Variants in PRELID3A observed in about 807,000 individuals in gnomAD.
PRELID3A encodes the protein PRELI domain containing protein 3A.
In PRELID3A, 27 loss-of-function variants were observed where a neutral mutation model predicts 23.0. The ratio of observed to expected loss-of-function variants is 1.17; its 90% CI spans 0.87 to 1.62. The LOEUF (loss-of-function observed/expected upper bound fraction) is 1.62. Ranked by LOEUF, PRELID3A falls within the 40% of genes most tolerant of loss-of-function variation. PRELID3A has a pLI of 0.00. For missense variants in PRELID3A, 231 were observed against 231.4 expected (o/e 1.00, Z 0.01); for synonymous variants, 87 against 86.4 (o/e 1.01, Z -0.04).
At chr18:12,409,988 C>G (rs899793395) in intron 1 of PRELID3A, among the ~76,000 whole-genome samples, 7 of 152,198 alleles carry the variant, frequency 4.6e-5, no homozygotes, top group African/African-American at 1.7e-4. Flanking sequence ...TGCTCATTAG[C>G]TTCACATTTT....
chr18:12,421,909 C>A (rs1020074232), intron 3 of PRELID3A, among the ~76,000 whole-genome samples: 5 of 152,102 alleles, frequency 3.3e-5, no homozygotes, highest in African/African-American at 7.2e-5. Flanking sequence ...GGGCACCCCC[C>A]ACAGGATAAC....
Position 12,408,026 on chromosome 18 carries a change from C to T in PRELID3A, c.32+19C>T, listed in dbSNP as rs1208752771. The stretch of plus-strand genomic sequence containing the variant: ...TGTTTGGGTGAGGCCGGGCTGAGGG[C>T]CGCGGTGGGGCCGTCCAGACGCCGG... On this transcript the variant is annotated intron_variant, in intron 1 of 6. Transcript: ENST00000440960. 3.2e-6 allele frequency: 4 copies of T among 1,263,234 alleles called. No homozygotes were observed. The East Asian group carries it at 9.4e-5, about 30-fold the overall frequency. The allele number at this position is 1,263,234 out of a possible 1,614,324, so 78.3% of individuals were successfully genotyped here.
chr18:12,409,631 G>C (rs1326141691), intron 1 of PRELID3A, among the ~76,000 whole-genome samples: 2 of 152,128 alleles, frequency 1.3e-5, no homozygotes, highest in Non-Finnish European at 2.9e-5. Context: ...GGGCATCACT[G>C]AGCCGTCTGG....
At chr18:12,414,721 A>T (rs2029891645) in intron 1 of PRELID3A, among the ~76,000 whole-genome samples, 1 of 151,808 alleles carries the variant, frequency 6.6e-6, no homozygotes. Flanking sequence ...ACAGAGTGAG[A>T]CTTGGTCCTC....
chr18:12,417,290 C>T (rs2029991455), intron 1 of PRELID3A, among the ~76,000 whole-genome samples: 2 of 152,132 alleles, frequency 1.3e-5, no homozygotes, highest in African/African-American at 2.4e-5. Context: ...TCTTCTGCCT[C>T]AGTCTCCCGA....
In PRELID3A at chr18:12,420,588, C is replaced by G. The variant is rs1032982936; in HGVS notation, c.201+95C>G. ...GTCCCTCCTCCCCTCATCAGTGCCT[C>G]TGCTGCTTTGGCTGCCATCGGGGTG... On this transcript the variant is annotated intron_variant, in intron 2 of 6. Coordinates refer to ENST00000440960, the MANE Select transcript of PRELID3A (RefSeq NM_001142405.2). 4 of 1,222,086 alleles carry G rather than the reference C, an allele frequency of 3.3e-6. No individual in the cohort carries two copies. The Admixed American group carries it at 1.0e-4, about 31-fold the overall frequency. 75.7% of individuals were successfully genotyped at this position (1,222,086 alleles called of 1,614,324 possible).
At chr18:12,416,116 C>T (rs576582319) in intron 1 of PRELID3A, among the ~76,000 whole-genome samples, 6 of 152,328 alleles carry the variant, frequency 3.9e-5, no homozygotes, top group Admixed American at 2.6e-4. Context: ...TCGGCAGGGG[C>T]GGGGTGTCCA....
chr18:12,421,909 C>T (rs1020074232), intron 3 of PRELID3A, among the ~76,000 whole-genome samples: 3 of 152,102 alleles, frequency 2.0e-5, no homozygotes, highest in Non-Finnish European at 4.4e-5. Flanking sequence ...GGGCACCCCC[C>T]ACAGGATAAC....
chr18:12,424,197 T>C (rs774114291), intron 3 of PRELID3A, among the ~76,000 whole-genome samples: 19 of 152,312 alleles, frequency 1.2e-4, no homozygotes, highest in Admixed American at 5.9e-4. Flanking sequence ...CCAAAACCAA[T>C]ATTTACTTAT....
intron 1 of PRELID3A, among the ~76,000 whole-genome samples, chr18:12,409,397 C>T (rs1909840701): frequency 6.6e-6 from 1 of 151,966 alleles, no homozygotes; most frequent in Non-Finnish European, 1.5e-5. Context: ...GAGCTCCTGA[C>T]CTCAGGTGAT....
chr18:12,426,407 A>T (rs1208050340), intron 3 of PRELID3A, among the ~76,000 whole-genome samples: 1 of 150,996 alleles, frequency 6.6e-6, no homozygotes, highest in African/African-American at 2.4e-5. Context: ...ACAAAAAATT[A>T]GCTGGGCATG....
chr18:12,420,207 T>G, intron 1 of PRELID3A, 118 bp from the exon 2 acceptor site: 1 of 1,447,588 alleles, frequency 6.9e-7, no homozygotes, highest in East Asian at 2.5e-5. Flanking sequence ...CGGACCAGCC[T>G]TTCATTAAAG....
chr18:12,408,232 C>A (rs1453781359), intron 1 of PRELID3A, among the ~76,000 whole-genome samples: 1 of 151,888 alleles, frequency 6.6e-6, no homozygotes, highest in Non-Finnish European at 1.5e-5. Flanking sequence ...ACGGCCTCTC[C>A]CCCGGCGTGC....
chr18:12,421,371 T>A lies in PRELID3A; in HGVS notation c.202-169T>A, dbSNP rs571746677. 14 of 596,712 alleles carry A rather than the reference T, an allele frequency of 2.3e-5. No homozygotes were observed. In the African/African-American group the frequency reaches 2.6e-4, roughly 11 times the overall value. The allele number at this position is 596,712 out of a possible 1,614,324, so 37.0% of individuals were successfully genotyped here. On this transcript the variant is annotated intron_variant, in intron 2 of 6. Transcript: ENST00000440960. ...TCATTTCTTTGCTCAGTGGCTCACC[T>A]GCTGGAGCGGAAGCGCCCTGGACAC...
intron 1 of PRELID3A, among the ~76,000 whole-genome samples, chr18:12,416,881 G>A (rs965490656): frequency 1.4e-4 from 22 of 152,060 alleles, no homozygotes; most frequent in Admixed American, 2.0e-4. Flanking sequence ...TCCTGACCTC[G>A]CGATCCACCA....
At chr18:12,429,550 C>A in intron 6 of PRELID3A, 114 bp downstream of exon 6, 1 of 621,942 alleles carries the variant, frequency 1.6e-6, no homozygotes, top group Non-Finnish European at 2.8e-6. Flanking sequence ...GGCTCTCCAG[C>A]CCGGAGCTCC....
intron 1 of PRELID3A, among the ~76,000 whole-genome samples, chr18:12,411,965 C>G (rs1434563774): frequency 6.8e-6 from 1 of 146,602 alleles, no homozygotes; most frequent in African/African-American, 2.6e-5. Context: ...GGCTGGAGTG[C>G]AGGGGCGCAG....
In PRELID3A at chr18:12,425,748, C is replaced by T. The variant is rs533675273; in HGVS notation, c.292-1293C>T. On this transcript the variant is annotated intron_variant, in intron 3 of 6. Transcript: ENST00000440960. ...TGAGCTCAGGAGTTTGAGACCAGCC[C>T]GGGCAGCATTGCAAAATCCCATCTC... 6.6e-5 allele frequency among the ~76,000 whole-genome samples: 10 copies of T among 151,876 alleles called. No individual in the cohort carries two copies. In the South Asian group the frequency reaches 1.3e-3, roughly 19 times the overall value.
intron 1 of PRELID3A, among the ~76,000 whole-genome samples, chr18:12,415,294 C>G (rs1042495440): frequency 7.3e-5 from 11 of 150,986 alleles, no homozygotes; most frequent in Non-Finnish European, 1.2e-4. Context: ...GGGTCTCACT[C>G]TGTCACCCAG....
Sources: allele counts gnomAD v4.1 joint callset (sites outside exome capture counted in the v4.1 genomes callset), GRCh38; gene constraint gnomAD v4.1.1; transcripts MANE v1.5; gene names NCBI Gene and HGNC (gene_info 2026-07-23, HGNC 2026-07-21).